Variants in LRRC8C observed in about 807,000 individuals in gnomAD.
LRRC8C encodes the protein volume-regulated anion channel subunit LRRC8C.
In LRRC8C, 20 loss-of-function variants were observed where a neutral mutation model predicts 55.3. The observed-to-expected ratio is 0.36, with a 90% CI of 0.25 to 0.53. The LOEUF (loss-of-function observed/expected upper bound fraction) is 0.53, where lower values mean the gene tolerates loss of function less well. Among genes scored for constraint, LRRC8C ranks in the 20% least tolerant of loss-of-function variants. The probability of loss-of-function intolerance (pLI) is 0.92; values close to 1 mark genes in which losing one functional copy is unlikely to be tolerated. For synonymous variants in LRRC8C, 376 were observed against 360.7 expected, an observed-to-expected ratio of 1.04 and a Z score of -0.48; for missense variants, 659 against 951.4, an observed-to-expected ratio of 0.69 and a Z score of 4.04.
intron 1 of LRRC8C, among the ~76,000 whole-genome samples, chr1:89,639,360 G>GGA (rs148803918): frequency 0.027 from 4,107 of 152,228 alleles, 186 homozygotes; most frequent in African/African-American, 0.094. Context: ...TCTGGGAGGA[G>GGA]GAGAGGGCCT....
At position 89,714,496 on chromosome 1, in the gene LRRC8C, A is replaced by T. The variant is rs903910715; in HGVS notation, c.1926A>T (p.Leu642=). The T allele has an allele frequency of 6.2e-7, 1 of 1,614,176 alleles. No individual in the cohort carries two copies. Among genetic ancestry groups the T allele is most frequent in the Admixed American group, 1.7e-5 (1 of 60,022 alleles). Residue 642 remains leucine (L), a synonymous_variant, in exon 3 of 3, where the codon CTA becomes CTT. Coordinates refer to ENST00000370454, the MANE Select transcript of LRRC8C (RefSeq NM_032270.5). The surrounding 1 kb of genome is among the most constrained non-coding windows in gnomAD (Gnocchi z 4.6). ...AGCACTTAAGAAAGTTGACAGTGCT[A>T]AAACTGTGGCATAACAGCATCACCT... ...SFQHLRKLTV[L]KLWHNSITYI... is the part of the protein sequence containing the mutation.
the LRRC8C span, chr1:89,626,960 G>GACACACACACACACAC: frequency 2.4e-5 from 3 of 122,606 alleles, no homozygotes; most frequent in Non-Finnish European, 5.1e-5. Context: ...CTCTAGTCTA[G>GACACACACACACACAC]ACACACACAC....
At chr1:89,646,188 G>T (rs2101188625) in intron 1 of LRRC8C, among the ~76,000 whole-genome samples, 1 of 152,084 alleles carries the variant, frequency 6.6e-6, no homozygotes, top group Middle Eastern at 3.4e-3. Flanking sequence ...AAACATTAAT[G>T]AATCTAGCCA....
At chr1:89,709,689 C>T (rs1438602207) in intron 2 of LRRC8C, among the ~76,000 whole-genome samples, 2 of 151,342 alleles carry the variant, frequency 1.3e-5, no homozygotes, top group Admixed American at 6.6e-5. Flanking sequence ...TTTAATCTTG[C>T]TTTTACCTGA....
chr1:89,649,039 A>G (rs1254356087), intron 1 of LRRC8C, among the ~76,000 whole-genome samples: 3 of 152,156 alleles, frequency 2.0e-5, no homozygotes, highest in Non-Finnish European at 4.4e-5. Flanking sequence ...TTTTATGAAC[A>G]TTCATGTATA....
At chr1:89,679,751 G>T (rs1657646894) in intron 1 of LRRC8C, among the ~76,000 whole-genome samples, 1 of 152,088 alleles carries the variant, frequency 6.6e-6, no homozygotes. Context: ...ATTTGAAATT[G>T]GTTCTTGTTT....
chr1:89,713,478 A>G lies in LRRC8C; in HGVS notation c.908A>G (p.Tyr303Cys). ...CNVDIQDMTG[Y>C]KNFSCNHTMA... ...GTGGACATTCAGGACATGACTGGATATAAAAACTTTTCTTGCAATCATACC... is the reference window on the plus strand; with the variant it reads ...GTGGACATTCAGGACATGACTGGATGTAAAAACTTTTCTTGCAATCATACC... Residue 303 changes from tyrosine to cysteine, a missense_variant, in exon 3 of 3, where the codon TAT (tyrosine) becomes TGT (cysteine). Transcript: ENST00000370454. The surrounding 1 kb of genome is among the most constrained non-coding windows in gnomAD (Gnocchi z 5.2). 1 of 1,614,176 alleles carries G rather than the reference A, an allele frequency of 6.2e-7. No homozygotes were observed. The highest frequency in any genetic ancestry group is 8.5e-7 in the Non-Finnish European group (1 of 1,180,038).
chr1:89,627,280 T>C, the LRRC8C span, among the ~76,000 whole-genome samples: 34 of 151,548 alleles, frequency 2.2e-4, no homozygotes, highest in Admixed American at 6.6e-4. Context: ...AATATATATA[T>C]ATATTTCTTA....
intron 2 of LRRC8C, among the ~76,000 whole-genome samples, chr1:89,710,317 A>G (rs371010100): frequency 2.0e-5 from 3 of 152,098 alleles, no homozygotes; most frequent in Admixed American, 6.6e-5. Context: ...TTTGTTTTTT[A>G]TTCCAGGGGT....
chr1:89,675,830 T>C (rs925281174), intron 1 of LRRC8C, among the ~76,000 whole-genome samples: 1 of 151,848 alleles, frequency 6.6e-6, no homozygotes, highest in Non-Finnish European at 1.5e-5. Flanking sequence ...AAAAAGAAAC[T>C]GGAGTGAAGA....
chr1:89,681,185 C>T (rs964952209), intron 1 of LRRC8C, among the ~76,000 whole-genome samples: 1 of 151,472 alleles, frequency 6.6e-6, no homozygotes, highest in African/African-American at 2.4e-5. Context: ...TTGAAATTGT[C>T]GCAAATCACT....
chr1:89,702,182 T>A (rs1658350163), intron 2 of LRRC8C, among the ~76,000 whole-genome samples: 1 of 151,908 alleles, frequency 6.6e-6, no homozygotes. Context: ...TGATAAGACC[T>A]ATTGGTGGAC....
the LRRC8C span, among the ~76,000 whole-genome samples, chr1:89,619,919 G>T: frequency 2.6e-5 from 4 of 152,282 alleles, no homozygotes; most frequent in African/African-American, 7.2e-5. Context: ...AAGTTAAGCA[G>T]CTTATTTAGG....
intron 1 of LRRC8C, among the ~76,000 whole-genome samples, chr1:89,674,060 C>A (rs1415715905): frequency 2.6e-5 from 4 of 152,190 alleles, no homozygotes; most frequent in African/African-American, 9.7e-5. Flanking sequence ...TTTTCAGGAT[C>A]TACATAGACT....
intron 1 of LRRC8C, among the ~76,000 whole-genome samples, chr1:89,638,483 C>G (rs1656356900): frequency 9.8e-6 from 1 of 101,842 alleles, no homozygotes; most frequent in African/African-American, 3.6e-5. Flanking sequence ...AGATTGTCCC[C>G]CGCTTGAGAA....
At chr1:89,632,193 C>G (rs1656125633), upstream of LRRC8C, 1 of 152,242 alleles carries the variant, frequency 6.6e-6, no homozygotes, top group Non-Finnish European at 1.5e-5. Flanking sequence ...TTCAAGACGT[C>G]AGAGTGCTTT....
chr1:89,673,327 C>T (rs1657471790), intron 1 of LRRC8C, among the ~76,000 whole-genome samples: 1 of 152,110 alleles, frequency 6.6e-6, no homozygotes, highest in South Asian at 2.1e-4. Context: ...TTAGATGTCA[C>T]CTTGCAAGTT....
chr1:89,676,157 A>G (rs911231660), intron 1 of LRRC8C: 11 of 152,228 alleles, frequency 7.2e-5, no homozygotes, highest in Admixed American at 6.5e-4. Flanking sequence ...TTAGAAAAGC[A>G]ATATTCCAAA....
At chr1:89,655,904 A>G (rs1243360765) in intron 1 of LRRC8C, among the ~76,000 whole-genome samples, 2 of 152,242 alleles carry the variant, frequency 1.3e-5, no homozygotes, top group South Asian at 2.1e-4. Flanking sequence ...AGTTGAGTTC[A>G]TCTTTTCTGT....
Sources: allele counts gnomAD v4.1 joint callset (sites outside exome capture counted in the v4.1 genomes callset), GRCh38; gene constraint gnomAD v4.1.1; non-coding constraint Gnocchi (gnomAD v3.1); transcripts MANE v1.5; gene names NCBI Gene and HGNC (gene_info 2026-07-23, HGNC 2026-07-21).